The following NME7 variants were observed in gnomAD, a reference collection of about 807,000 sequenced individuals.
NME7 encodes nucleoside diphosphate kinase 7.
Under a neutral mutation model 49.1 loss-of-function variants are expected in NME7, and 41 were observed. The observed-to-expected ratio is 0.83, with a 90% CI of 0.65 to 1.08. The LOEUF (loss-of-function observed/expected upper bound fraction) is 1.08. NME7 is among the 50% of genes least tolerant of loss of function. The pLI is 0.00. For missense variants in NME7, 423 were observed against 463.4 expected, an observed-to-expected ratio of 0.91 and a Z score of 0.80; for synonymous variants, 139 against 150.6, an observed-to-expected ratio of 0.92 and a Z score of 0.56.
intron 1 of NME7, among the ~76,000 whole-genome samples, chr1:169,352,709 G>C (rs1339872147): frequency 1.3e-5 from 2 of 152,070 alleles, no homozygotes; most frequent in Non-Finnish European, 2.9e-5. Context: ...GATAAATCCA[G>C]TAAAGTTGCA....
chr1:169,193,869 C>A (rs1660300519), intron 10 of NME7, among the ~76,000 whole-genome samples: 1 of 149,848 alleles, frequency 6.7e-6, no homozygotes, highest in African/African-American at 2.5e-5. Flanking sequence ...AAATGTTAAG[C>A]TGAGATCTTA....
intron 7 of NME7, among the ~76,000 whole-genome samples, chr1:169,283,621 G>A (rs549412838): frequency 6.6e-6 from 1 of 152,264 alleles, no homozygotes; most frequent in East Asian, 1.9e-4. Context: ...TCTTTCAAGA[G>A]CTCTCGTAAG....
At chr1:169,136,248 G>A (rs1658427631) in intron 11 of NME7, among the ~76,000 whole-genome samples, 1 of 152,198 alleles carries the variant, frequency 6.6e-6, no homozygotes, top group Non-Finnish European at 1.5e-5. Flanking sequence ...GAAATAACCA[G>A]CAGGTAAAGA....
chr1:169,204,788 C>A (rs1237565116), intron 10 of NME7, among the ~76,000 whole-genome samples: 1 of 152,054 alleles, frequency 6.6e-6, no homozygotes, highest in African/African-American at 2.4e-5. Flanking sequence ...TTGACTACCA[C>A]TACATTTCAA....
chr1:169,330,669 C>T (rs1165957711), intron 1 of NME7, among the ~76,000 whole-genome samples: 1 of 152,016 alleles, frequency 6.6e-6, no homozygotes, highest in Non-Finnish European at 1.5e-5. Flanking sequence ...CAGAGCAAGA[C>T]TCTGTCTCTA....
At chr1:169,226,832 A>G (rs1647360232) in intron 10 of NME7, among the ~76,000 whole-genome samples, 1 of 152,204 alleles carries the variant, frequency 6.6e-6, no homozygotes, top group African/African-American at 2.4e-5. Context: ...ACGTTAAATC[A>G]GTTCCAAATT....
intron 3 of NME7, among the ~76,000 whole-genome samples, chr1:169,312,995 A>T (rs751480800): frequency 6.6e-6 from 1 of 152,208 alleles, no homozygotes; most frequent in Non-Finnish European, 1.5e-5. Flanking sequence ...CATAAAGTGT[A>T]TATCTGCCCC....
chr1:169,279,107 C>A (rs554700224), intron 7 of NME7, among the ~76,000 whole-genome samples: 12 of 152,326 alleles, frequency 7.9e-5, no homozygotes, highest in Non-Finnish European at 1.5e-4. Context: ...GTGGGGGTGC[C>A]TCCCAGTTAG....
intron 1 of NME7, among the ~76,000 whole-genome samples, chr1:169,361,349 T>C (rs1027356099): frequency 3.9e-5 from 6 of 152,186 alleles, no homozygotes; most frequent in African/African-American, 1.4e-4. Flanking sequence ...GAAAATAAAC[T>C]TTTAAGAGTT....
chr1:169,163,563 A>C (rs939643059), intron 11 of NME7, among the ~76,000 whole-genome samples: 4 of 152,198 alleles, frequency 2.6e-5, no homozygotes, highest in Admixed American at 6.5e-5. Flanking sequence ...TTGCTAGCAA[A>C]GAACCTTATT....
intron 1 of NME7, 24 bp downstream of exon 1, chr1:169,367,684 C>T: frequency 6.2e-7 from 1 of 1,614,148 alleles, no homozygotes; most frequent in Non-Finnish European, 8.5e-7. Context: ...CAGAGCCGTT[C>T]TTCTGGCATC....
At chr1:169,173,553 A>T (rs1038509047) in intron 10 of NME7, among the ~76,000 whole-genome samples, 1 of 152,148 alleles carries the variant, frequency 6.6e-6, no homozygotes, top group Admixed American at 6.5e-5. Flanking sequence ...GATCCTCTTT[A>T]AAAAAGGTAT....
chr1:169,308,724 A>G (rs1651274429), intron 4 of NME7, among the ~76,000 whole-genome samples: 1 of 152,162 alleles, frequency 6.6e-6, no homozygotes, highest in Admixed American at 6.5e-5. Context: ...CGTTGTTAAT[A>G]TTCTCCTTGC....
At chr1:169,290,059 C>T (rs991847772) in intron 6 of NME7, among the ~76,000 whole-genome samples, 5 of 151,916 alleles carry the variant, frequency 3.3e-5, no homozygotes, top group East Asian at 1.9e-4. Flanking sequence ...AGACTGAATT[C>T]GAAAGCTTTA....
rs1661028507 is a variant in NME7 at position 169,218,220 on chromosome 1, C to T, written c.990+12498G>A. On this transcript the variant is annotated intron_variant, in intron 10 of 11. Coordinates refer to ENST00000367811, the MANE Select transcript of NME7 (RefSeq NM_013330.5). ...TTTCTTACCGTAGTACAACTTATTC[C>T]CCTAGAGCCTCACCTACTTCCCTCT... Among the ~76,000 whole-genome samples, 3 of 152,100 alleles carry T rather than the reference C, an allele frequency of 2.0e-5. No individual in the cohort carries two copies. The South Asian group carries it at 6.2e-4, about 32-fold the overall frequency.
chr1:169,217,352 G>A (rs186502389), intron 10 of NME7, among the ~76,000 whole-genome samples: 8 of 152,242 alleles, frequency 5.3e-5, no homozygotes, highest in African/African-American at 1.9e-4. Context: ...CACTCCAAGT[G>A]TAAAATGCAT....
At chr1:169,324,536 T>A in intron 1 of NME7, 36 bp from the exon 2 acceptor site, 2 of 1,292,160 alleles carry the variant, frequency 1.5e-6, no homozygotes, top group Non-Finnish European at 2.2e-6. Flanking sequence ...AACACTAACA[T>A]ATAAAGAACA....
chr1:169,162,634 A>G (rs1659284521), intron 11 of NME7, among the ~76,000 whole-genome samples: 1 of 152,162 alleles, frequency 6.6e-6, no homozygotes, highest in Admixed American at 6.5e-5. Context: ...GCTCAAATCC[A>G]GGAGTTCAAG....
At chr1:169,228,533 C>T (rs1455165568) in intron 10 of NME7, among the ~76,000 whole-genome samples, 2 of 151,130 alleles carry the variant, frequency 1.3e-5, no homozygotes, top group African/African-American at 2.4e-5. Flanking sequence ...AAAAATTAGC[C>T]GGGCGCAGTG....
Sources: allele counts gnomAD v4.1 joint callset (sites outside exome capture counted in the v4.1 genomes callset), GRCh38; gene constraint gnomAD v4.1.1; transcripts MANE v1.5; gene names NCBI Gene and HGNC (gene_info 2026-07-23, HGNC 2026-07-21).